The following SCAI variants were observed in gnomAD, a reference collection of about 807,000 sequenced individuals.
SCAI encodes protein SCAI.
SCAI carries 24 observed loss-of-function variants against 92.2 expected under a neutral mutation model. That is an observed-to-expected ratio of 0.26 (90% CI 0.19 to 0.37). The LOEUF (loss-of-function observed/expected upper bound fraction) is 0.37, where lower values mean the gene tolerates loss of function less well. Among genes scored for constraint, SCAI ranks in the 10% least tolerant of loss-of-function variants. The probability of loss-of-function intolerance (pLI) is 1.00; values close to 1 mark genes in which losing one functional copy is unlikely to be tolerated. For synonymous variants in SCAI, 261 were observed against 258.6 expected (o/e 1.01, Z -0.09); for missense variants, 450 against 736.2 (o/e 0.61, Z 4.50).
At chr9:125,140,621 A>T (rs1231264456) in intron 2 of SCAI, among the ~76,000 whole-genome samples, 2 of 147,630 alleles carry the variant, frequency 1.4e-5, no homozygotes, top group Admixed American at 7.0e-5. Flanking sequence ...TAGTAGGCCA[A>T]GGTGGTTGGA....
intron 17 of SCAI, among the ~76,000 whole-genome samples, chr9:124,963,403 G>A (rs1341919223): frequency 6.6e-6 from 1 of 151,946 alleles, no homozygotes; most frequent in African/African-American, 2.4e-5. Flanking sequence ...CAAAGTGCTG[G>A]GATTACAGGC....
intron 2 of SCAI, among the ~76,000 whole-genome samples, chr9:125,122,035 A>G (rs2131250298): frequency 6.6e-6 from 1 of 152,298 alleles, no homozygotes; most frequent in South Asian, 2.1e-4. Flanking sequence ...CAGCATGTAC[A>G]TGAGACAGGC....
At chr9:125,017,880 G>A (rs1256831917) in intron 9 of SCAI, among the ~76,000 whole-genome samples, 1 of 151,512 alleles carries the variant, frequency 6.6e-6, no homozygotes, top group Non-Finnish European at 1.5e-5. Context: ...GGTGGTATGT[G>A]CCTGTAATCC....
intron 2 of SCAI, among the ~76,000 whole-genome samples, chr9:125,069,145 G>A (rs1833927853): frequency 6.6e-6 from 1 of 151,856 alleles, no homozygotes; most frequent in African/African-American, 2.4e-5. Context: ...TTTAACCCGA[G>A]AGGCAGAGGT....
chr9:125,065,891 ATT>A, intron 2 of SCAI: 1 of 644,114 alleles, frequency 1.6e-6, no homozygotes. Flanking sequence ...TTGGCTCACA[ATT>A]AAGAAAAAGA....
At chr9:125,129,217 G>A (rs994189356) in intron 2 of SCAI, among the ~76,000 whole-genome samples, 1 of 150,942 alleles carries the variant, frequency 6.6e-6, no homozygotes, top group Non-Finnish European at 1.5e-5. Flanking sequence ...GAGGCGAGCC[G>A]ATCACTTGAG....
chr9:125,114,611 T>A (rs1345681913), intron 2 of SCAI, among the ~76,000 whole-genome samples: 1 of 152,060 alleles, frequency 6.6e-6, no homozygotes, highest in Non-Finnish European at 1.5e-5. Flanking sequence ...GGACCTTTTT[T>A]TTTATTCCCC....
intron 7 of SCAI, 132 bp from the exon 8 acceptor site, chr9:125,019,337 TAACA>T (rs1419590921): frequency 3.6e-6 from 2 of 556,754 alleles, no homozygotes; most frequent in Admixed American, 3.7e-5. Flanking sequence ...GTCCTGATTA[TAACA>T]AAAAACAAAG....
chr9:125,062,701 G>C (rs1038712096), intron 2 of SCAI, among the ~76,000 whole-genome samples: 2 of 151,038 alleles, frequency 1.3e-5, no homozygotes, highest in Non-Finnish European at 2.9e-5. Context: ...GTTGCAGTGA[G>C]CCAAAATTGC....
intron 2 of SCAI, among the ~76,000 whole-genome samples, chr9:125,070,096 C>T (rs1052814492): frequency 3.9e-5 from 6 of 152,152 alleles, no homozygotes; most frequent in Admixed American, 2.6e-4. Flanking sequence ...ATAAATTACA[C>T]TATACCATGA....
At chr9:125,141,551 C>T (rs1360401480) in intron 2 of SCAI, among the ~76,000 whole-genome samples, 1 of 152,228 alleles carries the variant, frequency 6.6e-6, no homozygotes, top group Non-Finnish European at 1.5e-5. Flanking sequence ...GACTAATTCA[C>T]TTTGTTTGTG....
In SCAI at chr9:124,981,376, A is replaced by G. The variant is rs530517394; in HGVS notation, c.1327-5190T>C. Among the ~76,000 whole-genome samples the G allele has an allele frequency of 9.9e-5, 15 of 152,262 alleles. No individual in the cohort carries two copies. The South Asian group carries it at 2.7e-3, about 27-fold the overall frequency. Reference sequence around the variant, plus strand: ...TCTACTAATCCGAACAACTCTTGTTATTGTTTTATTTGGGGAATGTTATGA... The same window carrying G: ...TCTACTAATCCGAACAACTCTTGTTGTTGTTTTATTTGGGGAATGTTATGA... On this transcript the variant is annotated intron_variant, in intron 14 of 17. Coordinates refer to ENST00000336505, the MANE Select transcript of SCAI (RefSeq NM_001144877.3).
intron 2 of SCAI, among the ~76,000 whole-genome samples, chr9:125,132,565 G>A (rs530561533): frequency 2.0e-5 from 3 of 152,004 alleles, no homozygotes; most frequent in African/African-American, 7.3e-5. Flanking sequence ...ATTTTTAACC[G>A]CCTGGTTAAA....
chr9:125,026,395 A>G (rs1398191797), intron 6 of SCAI, among the ~76,000 whole-genome samples: 19 of 138,980 alleles, frequency 1.4e-4, no homozygotes, highest in Non-Finnish European at 1.9e-4. Flanking sequence ...AAAAAAAAAA[A>G]GAGAGAGAAA....
intron 12 of SCAI, among the ~76,000 whole-genome samples, chr9:125,001,379 A>C (rs1007699161): frequency 1.3e-5 from 2 of 152,190 alleles, no homozygotes; most frequent in African/African-American, 4.8e-5. Context: ...TATTCTGACC[A>C]ATTTCTGGAC....
chr9:125,141,865 G>C lies in SCAI; in HGVS notation c.98+768C>G, dbSNP rs147329514. ...CTCTTAGGGTTCTTTGAGGATTACA[G>C]GAGAAGATACACATAGAGCATTCGT... On this transcript the variant is annotated intron_variant, in intron 2 of 17. Transcript: ENST00000336505. 1.7e-3 allele frequency among the ~76,000 whole-genome samples: 259 copies of C among 152,200 alleles called. 4 individuals are homozygous for C. Among genetic ancestry groups the C allele is most frequent in the Non-Finnish European group, 2.3e-3 (155 of 68,012 alleles).
chr9:124,992,283 G>C (rs1832143945), intron 14 of SCAI, among the ~76,000 whole-genome samples: 1 of 151,996 alleles, frequency 6.6e-6, no homozygotes, highest in Admixed American at 6.6e-5. Flanking sequence ...AGAACTACAT[G>C]CTTAAATTAA....
intron 2 of SCAI, among the ~76,000 whole-genome samples, chr9:125,141,568 T>C (rs940585122): frequency 1.8e-4 from 28 of 152,248 alleles, no homozygotes; most frequent in Non-Finnish European, 3.2e-4. Flanking sequence ...TGTGGACTAC[T>C]TAAACTCTTT....
At chr9:125,015,305 G>A (rs1832734880) in intron 9 of SCAI, among the ~76,000 whole-genome samples, 2 of 152,064 alleles carry the variant, frequency 1.3e-5, no homozygotes. Flanking sequence ...CTAATATCCA[G>A]AATCTACAAT....
Sources: gnomAD v4.1 joint callset for allele counts (sites outside exome capture counted in the v4.1 genomes callset) on GRCh38, gnomAD v4.1.1 for gene constraint, MANE v1.5 for transcripts, NCBI Gene and HGNC (gene_info 2026-07-23, HGNC 2026-07-21) for gene names.